The following RTN4 variants were observed in gnomAD, a reference collection of about 807,000 sequenced individuals.
The protein encoded by RTN4 is reticulon-4.
A neutral mutation model predicts 90.4 loss-of-function variants in RTN4; 32 were observed. The observed-to-expected ratio is 0.35, with a 90% CI of 0.27 to 0.48. The LOEUF (loss-of-function observed/expected upper bound fraction) is 0.48, where lower values mean the gene tolerates loss of function less well. RTN4 is among the 20% of genes least tolerant of loss of function. RTN4 has a pLI of 0.99. For missense variants in RTN4, 1,706 were observed against 1,430.2 expected, an observed-to-expected ratio of 1.19 and a Z score of -3.11; for synonymous variants, 629 against 552.5, an observed-to-expected ratio of 1.14 and a Z score of -1.94.
Position 54,972,879 on chromosome 2 carries a change from G to GGTTT in RTN4, c.*273_*276dup, listed in dbSNP as rs1677210995. 3.2e-6 allele frequency: 1 copy of GGTTT among 310,618 alleles called. No individual in the cohort carries two copies. The highest frequency in any genetic ancestry group is 5.8e-6 in the Non-Finnish European group (1 of 173,418). 19.2% of individuals were successfully genotyped at this position (310,618 alleles called of 1,614,324 possible). ...TATCTGCAACAAAGTAAAATATACA[G>GGTTT]GTTTTTTATTCCACCAGTGCCTCAG... On this transcript the variant is annotated 3_prime_UTR_variant, in exon 9 of 9. Transcript: ENST00000337526.
rs1679151490 is a variant in RTN4, at chr2:54,993,096, A to G, written c.3014-5398T>C. On this transcript the variant is annotated intron_variant, in intron 3 of 8. Coordinates refer to ENST00000337526, the MANE Select transcript of RTN4 (RefSeq NM_020532.5). Reference sequence around the variant, plus strand: ...CTCGGAAAAAAAAAAAAAAAAAAGAAAAGAAATTAAACATATAACTATGAA... The same window carrying G: ...CTCGGAAAAAAAAAAAAAAAAAAGAGAAGAAATTAAACATATAACTATGAA... Among the ~76,000 whole-genome samples, 2 of 151,674 alleles carry G rather than the reference A, an allele frequency of 1.3e-5. 1 individual carries two copies. The highest frequency in any genetic ancestry group is 4.9e-5 in the African/African-American group (2 of 41,220).
upstream of RTN4, among the ~76,000 whole-genome samples, chr2:55,051,009 T>C (rs1668076699): frequency 6.6e-6 from 1 of 152,186 alleles, no homozygotes; most frequent in Non-Finnish European, 1.5e-5. Flanking sequence ...CCCTAAGGAT[T>C]TTTAAAGATT....
intron 1 of RTN4, among the ~76,000 whole-genome samples, chr2:55,107,764 TC>T (rs1354965502): frequency 1.6e-4 from 25 of 152,008 alleles, no homozygotes; most frequent in African/African-American, 5.1e-4. Context: ...CAAACAGAGA[TC>T]CCAACTCAGG....
At chr2:54,981,951 A>C (rs1268648580) in intron 5 of RTN4, among the ~76,000 whole-genome samples, 1 of 151,830 alleles carries the variant, frequency 6.6e-6, no homozygotes, top group Admixed American at 6.6e-5. Context: ...GTATTACTAT[A>C]TATATATATA....
chr2:55,022,639 A>G (rs1409279815), intron 3 of RTN4, among the ~76,000 whole-genome samples: 1 of 151,880 alleles, frequency 6.6e-6, no homozygotes, highest in Non-Finnish European at 1.5e-5. Flanking sequence ...TCTACCTACC[A>G]TCCTGCCAGT....
intron 3 of RTN4, among the ~76,000 whole-genome samples, chr2:54,988,848 A>G (rs914271416): frequency 6.6e-6 from 1 of 152,234 alleles, no homozygotes; most frequent in Non-Finnish European, 1.5e-5. Flanking sequence ...TCAAGTAAGC[A>G]TAGCCTGATG....
chr2:54,977,083 G>A (rs114309253), intron 5 of RTN4, among the ~76,000 whole-genome samples: 1,786 of 152,268 alleles, frequency 0.012, 39 homozygotes, highest in African/African-American at 0.04. Context: ...GTTTCAATTT[G>A]GGGGAAGGGG....
intron 3 of RTN4, among the ~76,000 whole-genome samples, chr2:55,019,644 G>A (rs1436312359): frequency 6.6e-6 from 1 of 152,116 alleles, no homozygotes; most frequent in Non-Finnish European, 1.5e-5. Context: ...ATAAAGTCGG[G>A]GGAAGAGAGG....
At chr2:55,024,526 A>C (rs953805280) in intron 3 of RTN4, among the ~76,000 whole-genome samples, 2 of 152,222 alleles carry the variant, frequency 1.3e-5, no homozygotes, top group South Asian at 2.1e-4. Context: ...GGATAGTCAA[A>C]AGAAAAAAAG....
intron 1 of RTN4, among the ~76,000 whole-genome samples, chr2:55,110,966 A>G (rs932087188): frequency 3.3e-5 from 5 of 152,148 alleles, no homozygotes; most frequent in African/African-American, 1.2e-4. Flanking sequence ...GCTTGAACCC[A>G]GGAGGTGGAG....
rs755637831 is a variant in RTN4 at position 55,025,889 on chromosome 2, T to C, written c.2210A>G (p.Asp737Gly). 4.3e-6 allele frequency: 7 copies of C among 1,613,826 alleles called. No individual in the cohort carries two copies. The highest frequency in any genetic ancestry group is 2.2e-5 in the East Asian group (1 of 44,872). ...PVPDHSELVEDSSPDSEPVDL... is the reference protein window; with the variant it reads ...PVPDHSELVEGSSPDSEPVDL... ...AACTGGTTCAGAATCAGGTGAGGAA[T>C]CTTCAACTAGCTCAGAATGATCAGG... Residue 737 changes from aspartate to glycine, a missense_variant, in exon 3 of 9, where the codon GAT becomes GGT. Transcript: ENST00000337526.
chr2:55,086,823 T>A (rs981301341), intron 1 of RTN4, among the ~76,000 whole-genome samples: 2 of 145,298 alleles, frequency 1.4e-5, no homozygotes, highest in African/African-American at 5.6e-5. Flanking sequence ...TTTTCAACTT[T>A]AATTTATTTT....
chr2:55,127,875 G>C, the RTN4 span, among the ~76,000 whole-genome samples: 1 of 151,316 alleles, frequency 6.6e-6, no homozygotes, highest in African/African-American at 2.4e-5. Context: ...AATGATAAAT[G>C]CTTTTGTGTT....
intron 1 of RTN4, among the ~76,000 whole-genome samples, chr2:55,031,681 C>CA (rs1682327727): frequency 1.3e-5 from 2 of 152,178 alleles, no homozygotes; most frequent in African/African-American, 4.8e-5. Flanking sequence ...TACTCTAGAC[C>CA]AAGAGTCAGC....
chr2:54,983,352 T>A (rs67259950), intron 4 of RTN4, among the ~76,000 whole-genome samples: 10,473 of 141,462 alleles, frequency 0.074, 509 homozygotes, highest in South Asian at 0.12. Flanking sequence ...AATAAATAAA[T>A]AAAAATACTA....
At chr2:55,064,032 G>A (rs1158895680) in intron 2 of RTN4, among the ~76,000 whole-genome samples, 2 of 151,824 alleles carry the variant, frequency 1.3e-5, no homozygotes, top group African/African-American at 4.8e-5. Context: ...ACAAACCTGG[G>A]CAACAAAGTG....
Position 54,987,536 on chromosome 2 carries a change from C to A in RTN4, c.3176G>T (p.Gly1059Val). 2 of 1,614,132 alleles carry A rather than the reference C, an allele frequency of 1.2e-6. No homozygotes were observed. The highest frequency in any genetic ancestry group is 2.2e-5 in the South Asian group (2 of 91,082). ...SVTISFRIYKGVIQAIQKSDE... is the reference protein window; with the variant it reads ...SVTISFRIYKVVIQAIQKSDE... ...TGATTTCTGGATAGCTTGGATCACA[C>A]CCTTGTATATCCTAAAGCTGATGGT... The change falls in exon 4 of 9, where the codon GGT becomes GTT. Residue 1059 changes from glycine to valine, a missense_variant. Physicochemically the swap from Gly to Val is moderately radical, Grantham distance 109. Coordinates refer to ENST00000337526, the MANE Select transcript of RTN4 (RefSeq NM_020532.5).
intron 1 of RTN4, among the ~76,000 whole-genome samples, chr2:55,031,452 G>C (rs1247489597): frequency 6.6e-6 from 1 of 152,214 alleles, no homozygotes; most frequent in African/African-American, 2.4e-5. Flanking sequence ...CAAAAATCTG[G>C]ATAGGGGTTC....
intron 2 of RTN4, among the ~76,000 whole-genome samples, chr2:55,065,919 T>C (rs1411946555): frequency 2.6e-5 from 4 of 152,184 alleles, no homozygotes; most frequent in African/African-American, 9.7e-5. Context: ...TACACACTCA[T>C]GTAGAAGGTA....
Sources: gnomAD v4.1 joint callset for allele counts (sites outside exome capture counted in the v4.1 genomes callset) on GRCh38, gnomAD v4.1.1 for gene constraint, MANE v1.5 for transcripts, NCBI Gene and HGNC (gene_info 2026-07-23, HGNC 2026-07-21) for gene names.